The following TPRG1 variants were observed in gnomAD, a reference collection of about 807,000 sequenced individuals.
TPRG1 encodes tumor protein p63-regulated gene 1 protein.
A neutral mutation model predicts 29.3 loss-of-function variants in TPRG1; 29 were observed. The ratio of observed to expected loss-of-function variants is 0.99; its 90% CI spans 0.74 to 1.35. TPRG1 has a LOEUF of 1.35. Ranked by LOEUF, TPRG1 falls within the 40% of genes most tolerant of loss-of-function variation. TPRG1 has a pLI of 0.00. For synonymous variants in TPRG1, 130 were observed against 116.8 expected, an observed-to-expected ratio of 1.11 and a Z score of -0.73; for missense variants, 327 against 335.0, an observed-to-expected ratio of 0.98 and a Z score of 0.19.
chr3:189,208,407 G>A (rs945759746), intron 2 of TPRG1, among the ~76,000 whole-genome samples: 5 of 152,146 alleles, frequency 3.3e-5, no homozygotes, highest in Non-Finnish European at 5.9e-5. Context: ...TCATGTGTAC[G>A]TGGGAGATCT....
chr3:189,164,350 C>T (rs9875455), intron 5 of TPRG1, among the ~76,000 whole-genome samples: 70,851 of 151,758 alleles, frequency 0.47, 19,132 homozygotes, highest in African/African-American at 0.75. Context: ...TTTGTAGAGA[C>T]GGGGTTTCAC....
chr3:189,251,330 A>C (rs1742217967), intron 4 of TPRG1, among the ~76,000 whole-genome samples: 1 of 152,168 alleles, frequency 6.6e-6, no homozygotes, highest in Non-Finnish European at 1.5e-5. Context: ...AGACAAGTAA[A>C]GGCTGTGGAT....
chr3:189,078,142 C>CCTTTA (rs1717349090), intron 4 of TPRG1, among the ~76,000 whole-genome samples: 1 of 49,434 alleles, frequency 2.0e-5, no homozygotes, highest in Admixed American at 2.2e-4. Context: ...TCTTTCCTTT[C>CCTTTA]TTTTTTTTTT....
At position 189,081,255 on chromosome 3, in the gene TPRG1, G is replaced by GA. The variant is rs1294901748; in HGVS notation, c.-462-45796dup. Among the ~76,000 whole-genome samples the GA allele has an allele frequency of 1.1e-4, 17 of 152,104 alleles. No individual in the cohort carries two copies. The South Asian group carries it at 1.5e-3, about 13-fold the overall frequency. ...TCAGTAGGCCATGAGAATGAATGAG[G>GA]AAAAAATGCGTGGGGAGAGGGATTG... On this transcript the variant is annotated intron_variant, in intron 4 of 10. Transcript: ENST00000433971.
chr3:189,068,484 A>C (rs145057590), intron 4 of TPRG1, among the ~76,000 whole-genome samples: 2,241 of 152,338 alleles, frequency 0.015, 67 homozygotes, highest in Admixed American at 0.084. Context: ...ATAAAAAAGA[A>C]CAAGATTCTT....
Position 189,122,333 on chromosome 3 carries a change from A to G in TPRG1, c.-743-4724A>G, listed in dbSNP as rs188223216. On this transcript the variant is annotated intron_variant, in intron 1 of 6. Transcript: ENST00000412373. ...TCCACAAGATGCATACCAGAAGCTA[A>G]CTCAATTTTTGATTTTCCCAAATGA... 1.5e-3 allele frequency among the ~76,000 whole-genome samples: 227 copies of G among 152,246 alleles called. 2 individuals carry two copies. The highest frequency in any genetic ancestry group is 1.5e-4 in the Non-Finnish European group (10 of 68,006).
chr3:189,154,566 C>A (rs1264173857), intron 5 of TPRG1, among the ~76,000 whole-genome samples: 3 of 152,082 alleles, frequency 2.0e-5, no homozygotes, highest in Admixed American at 2.0e-4. Flanking sequence ...CTCAGCCTCC[C>A]AAGCAGCTGG....
At chr3:189,129,460 T>C (rs1441495560) in intron 2 of TPRG1, among the ~76,000 whole-genome samples, 1 of 152,186 alleles carries the variant, frequency 6.6e-6, no homozygotes, top group Non-Finnish European at 1.5e-5. Context: ...ATCTGCTGGA[T>C]TTTTCCACTG....
chr3:189,081,799 A>T (rs1717610892), intron 4 of TPRG1, among the ~76,000 whole-genome samples: 1 of 152,222 alleles, frequency 6.6e-6, no homozygotes, highest in South Asian at 2.1e-4. Context: ...AGCATGTCGT[A>T]GTACCTCTAT....
At chr3:189,230,895 T>C (rs530822808) in intron 3 of TPRG1, among the ~76,000 whole-genome samples, 1 of 152,314 alleles carries the variant, frequency 6.6e-6, no homozygotes, top group South Asian at 2.1e-4. Context: ...ACTTCACTTT[T>C]CAGCTATTAA....
chr3:189,082,693 T>C (rs1717672895), intron 4 of TPRG1, among the ~76,000 whole-genome samples: 1 of 152,158 alleles, frequency 6.6e-6, no homozygotes, highest in South Asian at 2.1e-4. Context: ...CAATTTACCT[T>C]GAATTTCTCG....
chr3:189,262,637 G>A (rs889887041), intron 4 of TPRG1, among the ~76,000 whole-genome samples: 4 of 152,168 alleles, frequency 2.6e-5, no homozygotes, highest in African/African-American at 9.7e-5. Context: ...GAGTTATATG[G>A]GGTGTGCGAA....
At chr3:189,316,660 CT>C (rs1723582712) in intron 5 of TPRG1, among the ~76,000 whole-genome samples, 1 of 152,184 alleles carries the variant, frequency 6.6e-6, no homozygotes, top group African/African-American at 2.4e-5. Flanking sequence ...GATGTCCCCC[CT>C]GTCCCCACCA....
At chr3:189,026,314 C>T (rs1345409288) in intron 4 of TPRG1, among the ~76,000 whole-genome samples, 1 of 152,164 alleles carries the variant, frequency 6.6e-6, no homozygotes. Context: ...TCTTCTTCTT[C>T]TTATAAGGAC....
intron 4 of TPRG1, among the ~76,000 whole-genome samples, chr3:189,286,663 T>A (rs189809726): frequency 5.0e-4 from 76 of 152,186 alleles, no homozygotes; most frequent in African/African-American, 1.7e-3. Flanking sequence ...AACCTCAGAT[T>A]TGTAGGCCAG....
At chr3:189,029,796 C>A (rs1713841996) in intron 4 of TPRG1, among the ~76,000 whole-genome samples, 1 of 152,124 alleles carries the variant, frequency 6.6e-6, no homozygotes, top group Admixed American at 6.5e-5. Context: ...TAGTCATTCC[C>A]ATGAGATTTG....
chr3:189,085,795 A>C (rs1717896843), intron 4 of TPRG1, among the ~76,000 whole-genome samples: 1 of 152,216 alleles, frequency 6.6e-6, no homozygotes, highest in Non-Finnish European at 1.5e-5. Context: ...TTATGAAATT[A>C]ATTGAAGATT....
At chr3:189,203,109 A>C (rs1354857228) in intron 1 of TPRG1, among the ~76,000 whole-genome samples, 1 of 152,158 alleles carries the variant, frequency 6.6e-6, no homozygotes, top group Non-Finnish European at 1.5e-5. Flanking sequence ...TTTAAGCTAT[A>C]ATTTATGCCC....
At chr3:189,114,549 C>A (rs753765335) in intron 1 of TPRG1, among the ~76,000 whole-genome samples, 9 of 152,118 alleles carry the variant, frequency 5.9e-5, no homozygotes, top group African/African-American at 2.2e-4. Context: ...TCCCAAAGTG[C>A]TGGGATTATA....
Sources: allele counts gnomAD v4.1 joint callset (sites outside exome capture counted in the v4.1 genomes callset), GRCh38; gene constraint gnomAD v4.1.1; transcripts MANE v1.5; gene names NCBI Gene and HGNC (gene_info 2026-07-23, HGNC 2026-07-21).